Variants in NR2F6 observed in about 807,000 individuals in gnomAD.
NR2F6 encodes ERBA-related gene-2.
A neutral mutation model predicts 26.5 loss-of-function variants in NR2F6; 16 were observed. The observed-to-expected ratio is 0.60, with a 90% CI of 0.41 to 0.92. The LOEUF is 0.92. Ranked by LOEUF, NR2F6 falls within the 40% of genes least tolerant of loss-of-function variation. NR2F6 has a pLI of 0.00. For missense variants in NR2F6, 536 were observed against 631.7 expected (o/e 0.85, Z 1.62); for synonymous variants, 325 against 305.0 (o/e 1.07, Z -0.68).
chr19:17,236,834 C>T (rs924956414), intron 2 of NR2F6, among the ~76,000 whole-genome samples: 3 of 152,218 alleles, frequency 2.0e-5, no homozygotes, highest in African/African-American at 4.8e-5. Context: ...AAACATTAGC[C>T]GCCATCAGTA....
Position 17,235,758 on chromosome 19 carries a change from C to T in NR2F6, c.681G>A (p.Pro227=). ...GCAGCAGCGCCACCTGGTCGGCCACCGGCAGCTCGGGGAAGAAGGGCGCGT... is the reference window on the plus strand; with the variant it reads ...GCAGCAGCGCCACCTGGTCGGCCACTGGCAGCTCGGGGAAGAAGGGCGCGT... ...ARHAPFFPEL[P]VADQVALLRL... is the part of the protein sequence containing the mutation. Residue 227 remains proline (P), a synonymous_variant, in exon 3 of 4, where the codon CCG becomes CCA. Transcript: ENST00000291442. The surrounding 1 kb of genome is among the most constrained non-coding windows in gnomAD (Gnocchi z 5.0). The T allele has an allele frequency of 6.7e-7, 1 of 1,499,886 alleles. No homozygotes were observed. Among genetic ancestry groups the T allele is most frequent in the Non-Finnish European group, 8.8e-7 (1 of 1,133,098 alleles). The allele number at this position is 1,499,886 out of a possible 1,614,324, so 92.9% of individuals were successfully genotyped here. A position where few individuals can be genotyped will look rare whatever the true frequency, so the allele number is the denominator to read the frequency against.
chr19:17,236,775 G>A (rs1366337756), intron 2 of NR2F6, among the ~76,000 whole-genome samples: 1 of 147,978 alleles, frequency 6.8e-6, no homozygotes, highest in Non-Finnish European at 1.5e-5. Context: ...GGGTTGGGGG[G>A]GACCTACAGT....
rs1429076990 is a variant in NR2F6, at chr19:17,235,944, C to A, written c.495G>T (p.Pro165=). 1 of 1,481,454 alleles carries A rather than the reference C, an allele frequency of 6.8e-7. No homozygotes were observed. Among genetic ancestry groups the A allele is most frequent in the Non-Finnish European group, 8.9e-7 (1 of 1,122,776 alleles). 91.8% of individuals were successfully genotyped at this position (1,481,454 alleles called of 1,614,324 possible). The change falls in exon 3 of 4, where the codon CCG becomes CCT. Residue 165 remains proline (P), a synonymous_variant. Transcript: ENST00000291442. This position sits in a 1 kb window ranked among gnomAD's most constrained non-coding sequence, Gnocchi z 5.0. Reference sequence around the variant, plus strand: ...GCAGCTGCGCGATCAGTTCGGACACCGGCTGCCCCGGGAAGAGGTCTCCGC... The same window carrying A: ...GCAGCTGCGCGATCAGTTCGGACACAGGCTGCCCCGGGAAGAGGTCTCCGC... The part of the protein sequence containing the change: ...ASGGDLFPGQ[P]VSELIAQLLR...
rs1228309806 is a variant in NR2F6 at position 17,232,482 on chromosome 19, G to A, written c.1085C>T (p.Ala362Val). 9 of 1,612,346 alleles carry A rather than the reference G, an allele frequency of 5.6e-6. No homozygotes were observed. The highest frequency in any genetic ancestry group is 4.0e-5 in the African/African-American group (3 of 74,930). ...RLLLRLPALR[A>V]VPASLISQLF... is the part of the protein sequence containing the mutation. ...CTGGGAGATGAGGGAGGCAGGGACC[G>A]CGCGCAGGGCGGGGAGCCGCAGCAG... Residue 362 changes from alanine (A) to valine (V), a missense_variant, in exon 4 of 4, where the codon GCG becomes GTG. Coordinates refer to ENST00000291442, the MANE Select transcript of NR2F6 (RefSeq NM_005234.4).
intron 1 of NR2F6, 108 bp downstream of exon 1, chr19:17,244,835 G>A: frequency 2.2e-6 from 3 of 1,341,426 alleles, no homozygotes; most frequent in Non-Finnish European, 3.0e-6. Flanking sequence ...AGGGGGCAGT[G>A]GAGGCCCAGG....
rs968543260 is a variant in NR2F6, at chr19:17,235,077, G to A, written c.940+422C>T. Among the ~76,000 whole-genome samples, 3 of 152,188 alleles carry A rather than the reference G, an allele frequency of 2.0e-5. No individual in the cohort carries two copies. The highest frequency in any genetic ancestry group is 4.4e-5 in the Non-Finnish European group (3 of 68,016). ...AGGTTGCCCTGGGAGCCCAGTGGGG[G>A]CCTGAGGGGGCCAGAACCAGGGGGT... On this transcript the variant is annotated intron_variant, in intron 3 of 3. Transcript: ENST00000291442. The surrounding 1 kb of genome is among the most constrained non-coding windows in gnomAD (Gnocchi z 5.0).
In NR2F6 at chr19:17,232,011, C is replaced by A; in HGVS notation, c.*341G>T. On this transcript the variant is annotated 3_prime_UTR_variant, in exon 4 of 4. Transcript: ENST00000291442. ...TGCCCACTGGAGCAGCCCCTCTGGC[C>A]GACGCCAGGCCTTTGTCCATCATGC... The A allele has an allele frequency of 3.2e-6, 1 of 314,610 alleles. No homozygotes were observed. The highest frequency in any genetic ancestry group is 3.7e-5 in the South Asian group (1 of 27,244). The allele number at this position is 314,610 out of a possible 1,614,324, so 19.5% of individuals were successfully genotyped here. A position where few individuals can be genotyped will look rare whatever the true frequency, so the allele number is the denominator to read the frequency against.
chr19:17,232,483 C>A lies in NR2F6; in HGVS notation c.1084G>T (p.Ala362Ser), dbSNP rs139615269. 1.2e-6 allele frequency: 2 copies of A among 1,612,358 alleles called. No homozygotes were observed. The highest frequency in any genetic ancestry group is 1.3e-5 in the African/African-American group (1 of 74,914). ...RLLLRLPALR[A>S]VPASLISQLF... Reference sequence around the variant, plus strand: ...TGGGAGATGAGGGAGGCAGGGACCGCGCGCAGGGCGGGGAGCCGCAGCAGC... The same window carrying A: ...TGGGAGATGAGGGAGGCAGGGACCGAGCGCAGGGCGGGGAGCCGCAGCAGC... The change falls in exon 4 of 4, where the codon GCG becomes TCG. Residue 362 changes from alanine to serine, a missense_variant. By Grantham distance (99) the Ala-to-Ser change is moderately conservative (BLOSUM62 1). Transcript: ENST00000291442.
rs1184589051 is a variant in NR2F6, at chr19:17,232,422, A to G, written c.1145T>C (p.Ile382Thr). The change falls in exon 4 of 4, where the codon ATT (isoleucine) becomes ACT (threonine). Residue 382 changes from isoleucine (I) to threonine (T), a missense_variant. Physicochemically the swap from Ile to Thr is moderately conservative, Grantham distance 89. Transcript: ENST00000291442. ...FFMRLVGKTP[I>T]ETLIRDMLLS... ...CAGCATGTCTCTGATCAGTGTCTCA[A>G]TGGGCGTCTTCCCCACCAGGCGCAT... The G allele has an allele frequency of 6.2e-7, 1 of 1,614,096 alleles. No homozygotes were observed. The highest frequency in any genetic ancestry group is 1.1e-5 in the South Asian group (1 of 91,086).
In NR2F6 at chr19:17,245,187, CG is replaced by C. The variant is rs1345133493; in HGVS notation, c.33del (p.Gly12AlafsTer110). Reference protein sequence around the residue: MAMVTGGWGGPGGDTNGVDKA... With the variant: MAMVTGGWGGXGGDTNGVDKA... ...TTGTCCACGCCGTTCGTGTCGCCGC[CG>C]GGGCCGCCCCAGCCGCCGGTCACCA... On this transcript the variant is annotated frameshift_variant, in exon 1 of 4. Transcript: ENST00000291442. LOFTEE classifies it high-confidence loss of function. The surrounding 1 kb of genome is among the most constrained non-coding windows in gnomAD (Gnocchi z 5.0). 5 of 1,385,110 alleles carry C rather than the reference CG, an allele frequency of 3.6e-6. No homozygotes were observed. The highest frequency in any genetic ancestry group is 1.6e-5 in the South Asian group (1 of 61,838). The allele number at this position is 1,385,110 out of a possible 1,614,324, so 85.8% of individuals were successfully genotyped here. A position where few individuals can be genotyped will look rare whatever the true frequency, so the allele number is the denominator to read the frequency against.
chr19:17,234,678 G>C (rs2073425889), intron 3 of NR2F6, among the ~76,000 whole-genome samples: 1 of 151,932 alleles, frequency 6.6e-6, no homozygotes, highest in South Asian at 2.1e-4. Flanking sequence ...GTGAGACCAC[G>C]TCTCTACAGA....
rs1262522244 is a variant in NR2F6, at chr19:17,245,820, C to T, written c.-600G>A. 3 of 146,410 alleles carry T rather than the reference C, an allele frequency of 2.0e-5. No homozygotes were observed. Among genetic ancestry groups the T allele is most frequent in the East Asian group, 2.0e-4 (1 of 5,078 alleles). The allele number at this position is 146,410 out of a possible 1,614,324, so 9.1% of individuals were successfully genotyped here. A position where few individuals can be genotyped will look rare whatever the true frequency, so the allele number is the denominator to read the frequency against. On this transcript the variant is annotated 5_prime_UTR_variant, in exon 1 of 4. Coordinates refer to ENST00000291442, the MANE Select transcript of NR2F6 (RefSeq NM_005234.4). The surrounding 1 kb of genome is among the most constrained non-coding windows in gnomAD (Gnocchi z 5.0). ...CTGGAGCTGCCGCCCCCGCTGCGGCCGCTCCTGCCTGGCCTGGGCCTGCGC... is the reference window on the plus strand; with the variant it reads ...CTGGAGCTGCCGCCCCCGCTGCGGCTGCTCCTGCCTGGCCTGGGCCTGCGC...
intron 3 of NR2F6, among the ~76,000 whole-genome samples, chr19:17,233,196 A>G (rs1338730563): frequency 6.6e-6 from 1 of 152,120 alleles, no homozygotes; most frequent in Non-Finnish European, 1.5e-5. Context: ...ACACGCTTGT[A>G]GTCCCAGCTC....
chr19:17,235,436 C>T lies in NR2F6; in HGVS notation c.940+63G>A, dbSNP rs1599453405. The T allele has an allele frequency of 1.3e-6, 2 of 1,525,822 alleles. No individual in the cohort carries two copies. The highest frequency in any genetic ancestry group is 1.8e-6 in the Non-Finnish European group (2 of 1,142,570). 94.5% of individuals were successfully genotyped at this position (1,525,822 alleles called of 1,614,324 possible). ...TGGGGGCCGGAGTCTGGGTCCAGGC[C>T]GCCCTCCTCCTAACCTCCCTTGGGT... On this transcript the variant is annotated intron_variant, in intron 3 of 3. Transcript: ENST00000291442. This position sits in a 1 kb window ranked among gnomAD's most constrained non-coding sequence, Gnocchi z 5.0.
chr19:17,242,175 G>A (rs549622084), intron 1 of NR2F6, among the ~76,000 whole-genome samples: 26 of 152,020 alleles, frequency 1.7e-4, no homozygotes, highest in Middle Eastern at 3.4e-3. Flanking sequence ...AAAATTAGCC[G>A]GGCATGGTGG....
Position 17,245,313 on chromosome 19 carries a change from G to A in NR2F6, c.-93C>T. ...GGGGACCCTACGCGGCGCGCATTCG[G>A]CCCCGGCGCGCGGGGGGCACGGGCT... On this transcript the variant is annotated 5_prime_UTR_variant, in exon 1 of 4. Coordinates refer to ENST00000291442, the MANE Select transcript of NR2F6 (RefSeq NM_005234.4). This position sits in a 1 kb window ranked among gnomAD's most constrained non-coding sequence, Gnocchi z 5.0. The A allele has an allele frequency of 9.2e-7, 1 of 1,091,852 alleles. No individual in the cohort carries two copies. Among genetic ancestry groups the A allele is most frequent in the Non-Finnish European group, 1.1e-6 (1 of 878,236 alleles). 67.6% of individuals were successfully genotyped at this position (1,091,852 alleles called of 1,614,324 possible).
chr19:17,241,279 G>A (rs879524221), intron 1 of NR2F6, among the ~76,000 whole-genome samples: 4 of 152,186 alleles, frequency 2.6e-5, no homozygotes, highest in Non-Finnish European at 5.9e-5. Flanking sequence ...TCATAGCATT[G>A]TGGGGCCCCA....
At chr19:17,234,204 C>T (rs963825113) in intron 3 of NR2F6, among the ~76,000 whole-genome samples, 3 of 144,444 alleles carry the variant, frequency 2.1e-5, no homozygotes, top group Non-Finnish European at 4.5e-5. Context: ...GCCTGGGCGA[C>T]GGAGTAAGAC....
At position 17,245,798 on chromosome 19, in the gene NR2F6, G is replaced by C. The variant is rs1289948742; in HGVS notation, c.-578C>G. 1.4e-5 allele frequency: 2 copies of C among 146,178 alleles called. No individual in the cohort carries two copies. The highest frequency in any genetic ancestry group is 4.0e-4 in the East Asian group (2 of 5,060). 9.1% of individuals were successfully genotyped at this position (146,178 alleles called of 1,614,324 possible). On this transcript the variant is annotated 5_prime_UTR_variant, in exon 1 of 4. Coordinates refer to ENST00000291442, the MANE Select transcript of NR2F6 (RefSeq NM_005234.4). The surrounding 1 kb of genome is among the most constrained non-coding windows in gnomAD (Gnocchi z 5.0). ...CAGGGCCGCTGGGCCGGCGCCTCTGGAGCTGCCGCCCCCGCTGCGGCCGCT... is the reference window on the plus strand; with the variant it reads ...CAGGGCCGCTGGGCCGGCGCCTCTGCAGCTGCCGCCCCCGCTGCGGCCGCT...
Sources: allele counts gnomAD v4.1 joint callset (sites outside exome capture counted in the v4.1 genomes callset), GRCh38; gene constraint gnomAD v4.1.1; non-coding constraint Gnocchi (gnomAD v3.1); transcripts MANE v1.5; gene names NCBI Gene and HGNC (gene_info 2026-07-23, HGNC 2026-07-21).